The following ZFR variants were observed in gnomAD, a reference collection of about 807,000 sequenced individuals.
ZFR encodes zinc finger RNA binding protein.
In ZFR, 19 loss-of-function variants were observed where a neutral mutation model predicts 130.7. That is an observed-to-expected ratio of 0.15 (90% CI 0.10 to 0.21). The LOEUF is 0.21. Ranked by LOEUF, ZFR falls within the 10% of genes least tolerant of loss-of-function variation. The probability of loss-of-function intolerance (pLI) is 1.00; values close to 1 mark genes in which losing one functional copy is unlikely to be tolerated. For missense variants in ZFR, 872 were observed against 1,321.5 expected (o/e 0.66, Z 5.27); for synonymous variants, 466 against 456.9 (o/e 1.02, Z -0.25).
At chr5:32,392,299 C>A (rs568377138) in intron 11 of ZFR, among the ~76,000 whole-genome samples, 12 of 152,192 alleles carry the variant, frequency 7.9e-5, no homozygotes, top group African/African-American at 2.7e-4. Flanking sequence ...TTGGTATTAT[C>A]AGTGAAAGAG....
chr5:32,430,554 G>C (rs1031704488), intron 2 of ZFR, among the ~76,000 whole-genome samples: 2 of 152,104 alleles, frequency 1.3e-5, no homozygotes, highest in African/African-American at 2.4e-5. Context: ...AAAATGTCAA[G>C]AGATTCCCTA....
intron 17 of ZFR, among the ~76,000 whole-genome samples, chr5:32,371,087 G>C (rs1264524078): frequency 6.6e-6 from 1 of 152,162 alleles, no homozygotes; most frequent in African/African-American, 2.4e-5. Flanking sequence ...AAATATATTA[G>C]GGCCAGGCAT....
intron 19 of ZFR, among the ~76,000 whole-genome samples, chr5:32,356,529 C>G (rs990287868): frequency 1.8e-4 from 27 of 152,236 alleles, no homozygotes; most frequent in Middle Eastern, 6.8e-3. Flanking sequence ...TCTCCTGCCT[C>G]AGCCTCCCAA....
chr5:32,375,808 G>A lies in ZFR; in HGVS notation c.2835+3307C>T, dbSNP rs561629550. On this transcript the variant is annotated intron_variant, in intron 17 of 19. Transcript: ENST00000265069. ...AGGCATGAGCCACTAGACCATGACC[G>A]GTTGATCTTTCATCTATCGATTTAT... Among the ~76,000 whole-genome samples, 4 of 150,704 alleles carry A rather than the reference G, an allele frequency of 2.7e-5. No individual in the cohort carries two copies. The South Asian group carries it at 6.3e-4, about 24-fold the overall frequency.
At chr5:32,411,709 A>G (rs58375012) in intron 5 of ZFR, among the ~76,000 whole-genome samples, 64,770 of 71,924 alleles carry the variant, frequency 0.9, 29,866 homozygotes, top group Non-Finnish European at 0.93. Context: ...AAAAAAATTG[A>G]GGGGGGGCGG....
intron 2 of ZFR, among the ~76,000 whole-genome samples, chr5:32,426,097 G>C (rs911875592): frequency 6.6e-6 from 1 of 152,148 alleles, no homozygotes; most frequent in South Asian, 2.1e-4. Context: ...AGTAAAATAA[G>C]GTTTATAATT....
intron 12 of ZFR, among the ~76,000 whole-genome samples, chr5:32,389,565 C>T (rs995885711): frequency 2.6e-5 from 4 of 152,118 alleles, no homozygotes; most frequent in Non-Finnish European, 5.9e-5. Context: ...TGCCTGTGTA[C>T]CGGCTACTCG....
chr5:32,361,856 C>T (rs111520714), intron 19 of ZFR, among the ~76,000 whole-genome samples: 3,086 of 152,156 alleles, frequency 0.02, 103 homozygotes, highest in African/African-American at 0.071. Context: ...TCAGGTGGCC[C>T]GCCCGCCTTG....
At chr5:32,374,275 G>A (rs888957236) in intron 17 of ZFR, among the ~76,000 whole-genome samples, 1 of 152,118 alleles carries the variant, frequency 6.6e-6, no homozygotes, top group African/African-American at 2.4e-5. Flanking sequence ...TGAGGCCAAG[G>A]TGGGCGGATC....
At chr5:32,408,170 A>C (rs1404895474) in intron 5 of ZFR, among the ~76,000 whole-genome samples, 2 of 152,094 alleles carry the variant, frequency 1.3e-5, no homozygotes, top group African/African-American at 4.8e-5. Context: ...TTTTATGGTT[A>C]AATTTGATCA....
Position 32,403,104 on chromosome 5 carries a change from G to T in ZFR, c.1516+2C>A, listed in dbSNP as rs1753503918. 1 of 1,613,232 alleles carries T rather than the reference G, an allele frequency of 6.2e-7. No individual in the cohort carries two copies. ...GCAGGGACAGAGAATATCAGTACTTGCCAACAAAATTTATTTTGGGGGTAG... is the reference window on the plus strand; with the variant it reads ...GCAGGGACAGAGAATATCAGTACTTTCCAACAAAATTTATTTTGGGGGTAG... On this transcript the variant is annotated splice_donor_variant, in intron 8 of 19. Transcript: ENST00000265069. LOFTEE classifies it high-confidence loss of function.
chr5:32,404,108 T>C lies in ZFR; in HGVS notation c.1033-11A>G, dbSNP rs766006093. On this transcript the variant is annotated splice_polypyrimidine_tract_variant and intron_variant, in intron 6 of 19. Coordinates refer to ENST00000265069, the MANE Select transcript of ZFR (RefSeq NM_016107.5). ...ATGTTCTTTATAAGTCTGTTTCAAA[T>C]AAAAAGGAAACATTTTGCTTCACTA... is the stretch of plus-strand genomic sequence containing the variant. 6.3e-7 allele frequency: 1 copy of C among 1,576,540 alleles called. No individual in the cohort carries two copies. Among genetic ancestry groups the C allele is most frequent in the African/African-American group, 1.4e-5 (1 of 72,756 alleles).
At chr5:32,441,228 T>C (rs1754466231) in intron 2 of ZFR, among the ~76,000 whole-genome samples, 1 of 152,312 alleles carries the variant, frequency 6.6e-6, no homozygotes, top group African/African-American at 2.4e-5. Flanking sequence ...ACACCCGCCT[T>C]AGCCTCCCAA....
chr5:32,402,879 G>A (rs1753491477), intron 8 of ZFR, among the ~76,000 whole-genome samples: 1 of 150,892 alleles, frequency 6.6e-6, no homozygotes, highest in South Asian at 2.1e-4. Context: ...TTTTTTAAAT[G>A]ACTAGAGGAA....
At chr5:32,411,929 C>T (rs1285392175) in intron 5 of ZFR, among the ~76,000 whole-genome samples, 1 of 152,016 alleles carries the variant, frequency 6.6e-6, no homozygotes, top group African/African-American at 2.4e-5. Flanking sequence ...GAACCAATCT[C>T]CCATGGATAG....
intron 2 of ZFR, among the ~76,000 whole-genome samples, chr5:32,439,625 TAAAG>T (rs1754415042): frequency 6.6e-6 from 1 of 151,814 alleles, no homozygotes; most frequent in Non-Finnish European, 1.5e-5. Flanking sequence ...AAAGTATAAA[TAAAG>T]AAAAAGTGGC....
chr5:32,361,998 G>A lies in ZFR; in HGVS notation c.3045+1950C>T, dbSNP rs547194102. 7.2e-5 allele frequency among the ~76,000 whole-genome samples: 11 copies of A among 152,252 alleles called. No individual in the cohort carries two copies. In the East Asian group the frequency reaches 1.5e-3, roughly 21 times the overall value. ...AATATAGCATTTGAGGTTTGAGTGA[G>A]CACCCTATAATCTCTTGTTCTGCAT... On this transcript the variant is annotated intron_variant, in intron 19 of 19. Coordinates refer to ENST00000265069, the MANE Select transcript of ZFR (RefSeq NM_016107.5).
intron 2 of ZFR, among the ~76,000 whole-genome samples, 172 bp downstream of exon 2, chr5:32,444,057 A>G (rs1311020181): frequency 6.8e-4 from 95 of 139,432 alleles, no homozygotes; most frequent in Non-Finnish European, 1.1e-3. Flanking sequence ...GGGCCGGGCA[A>G]GGCGGGGCGG....
rs199757516 is a variant in ZFR at position 32,413,196 on chromosome 5, A to AC, written c.784+1772_784+1773insG. Reference sequence around the variant, plus strand: ...AGAGTGAGACTCTTTTAATCTCAAAAAAAACAAAACAAAACAAAACAAAAA... The same window carrying AC: ...AGAGTGAGACTCTTTTAATCTCAAAACAAAACAAAACAAAACAAAACAAAAA... On this transcript the variant is annotated intron_variant, in intron 5 of 19. Coordinates refer to ENST00000265069, the MANE Select transcript of ZFR (RefSeq NM_016107.5). Among the ~76,000 whole-genome samples, 177 of 151,778 alleles carry AC rather than the reference A, an allele frequency of 1.2e-3. 1 individual carries two copies. The highest frequency in any genetic ancestry group is 0.011 in the East Asian group (58 of 5,172).
Sources: gnomAD v4.1 joint callset for allele counts (sites outside exome capture counted in the v4.1 genomes callset) on GRCh38, gnomAD v4.1.1 for gene constraint, MANE v1.5 for transcripts, NCBI Gene and HGNC (gene_info 2026-07-23, HGNC 2026-07-21) for gene names.